RPL5: variants seen among roughly 807,000 people sequenced by gnomAD.
The protein encoded by RPL5 is ribosomal protein L5, also known as large ribosomal subunit protein uL18.
Under a neutral mutation model 38.4 loss-of-function variants are expected in RPL5, and 1 was observed. The ratio of observed to expected loss-of-function variants is 0.03; its 90% CI spans 0.01 to 0.12. The LOEUF (loss-of-function observed/expected upper bound fraction) is 0.12. RPL5 is among the 10% of genes least tolerant of loss of function. RPL5 has a pLI of 1.00. For missense variants in RPL5, 243 were observed against 374.1 expected, an observed-to-expected ratio of 0.65 and a Z score of 2.89; for synonymous variants, 109 against 121.2, an observed-to-expected ratio of 0.90 and a Z score of 0.66.
rs1477777637 is a variant in RPL5 at position 92,837,563 on chromosome 1, T to C, written c.635T>C (p.Met212Thr). Residue 212 changes from methionine to threonine, a missense_variant, in exon 6 of 8, where the codon ATG becomes ACG. Physicochemically the swap from Met to Thr is moderately conservative, Grantham distance 81. Coordinates refer to ENST00000370321, the MANE Select transcript of RPL5 (RefSeq NM_000969.5). ...GTTGCAGATTACATGCGCTACTTAA[T>C]GGAAGAAGATGAAGATGCTTACAAG... ...QNVADYMRYLMEEDEDAYKKQ... is the reference protein window; with the variant it reads ...QNVADYMRYLTEEDEDAYKKQ... 6.2e-7 allele frequency: 1 copy of C among 1,612,028 alleles called. No individual in the cohort carries two copies. Among genetic ancestry groups the C allele is most frequent in the East Asian group, 2.2e-5 (1 of 44,874 alleles).
In RPL5 at chr1:92,833,446, A is replaced by C; in HGVS notation, c.61A>C (p.Arg21=). Residue 21 remains arginine, a synonymous_variant, in exon 2 of 8, where the codon AGA becomes CGA. Transcript: ENST00000370321. ...AYFKRYQVKF[R]RRREGKTDYY... Reference sequence around the variant, plus strand: ...CTTTAAGAGATACCAAGTGAAATTTAGAAGACGACGAGGTACTGTCACCTT... The same window carrying C: ...CTTTAAGAGATACCAAGTGAAATTTCGAAGACGACGAGGTACTGTCACCTT... The C allele has an allele frequency of 6.2e-7, 1 of 1,614,096 alleles. No homozygotes were observed. The highest frequency in any genetic ancestry group is 8.5e-7 in the Non-Finnish European group (1 of 1,179,968).
upstream of RPL5, chr1:92,832,018 G>C: frequency 6.3e-7 from 1 of 1,577,290 alleles, no homozygotes; most frequent in South Asian, 1.1e-5. Flanking sequence ...GCTACATACT[G>C]CGCCTGCGCA....
At position 92,841,922 on chromosome 1, in the gene RPL5, C is replaced by G; in HGVS notation, c.*57C>G. 7.5e-7 allele frequency: 1 copy of G among 1,331,908 alleles called. No individual in the cohort carries two copies. Among genetic ancestry groups the G allele is most frequent in the South Asian group, 1.2e-5 (1 of 81,714 alleles). 82.5% of individuals were successfully genotyped at this position (1,331,908 alleles called of 1,614,324 possible). ...TAGATAATAAACTTATGAACAGCAA[C>G]TATTTCTGTGTTAAGCTCTTATTCT... On this transcript the variant is annotated 3_prime_UTR_variant, in exon 8 of 8. Coordinates refer to ENST00000370321, the MANE Select transcript of RPL5 (RefSeq NM_000969.5).
intron 1 of RPL5, chr1:92,832,350 T>C: frequency 1.5e-6 from 1 of 671,362 alleles, no homozygotes; most frequent in Middle Eastern, 2.5e-4. Flanking sequence ...GACGGCGGAT[T>C]GGGGAGAAGG....
Position 92,836,388 on chromosome 1 carries a change from C to G in RPL5, c.523C>G (p.His175Asp), listed in dbSNP as rs1251989135. The G allele has an allele frequency of 6.2e-7, 1 of 1,613,702 alleles. No individual in the cohort carries two copies. Among genetic ancestry groups the G allele is most frequent in the African/African-American group, 1.3e-5 (1 of 74,922 alleles). The change falls in exon 5 of 8, where the codon CAC (histidine) becomes GAC (aspartate). Residue 175 changes from histidine to aspartate, a missense_variant. Physicochemically the swap from His to Asp is moderately conservative, Grantham distance 81 (BLOSUM62 -1). Coordinates refer to ENST00000370321, the MANE Select transcript of RPL5 (RefSeq NM_000969.5). ...GAVDGGLSIPHSTKRFPGYDS... is the reference protein window; with the variant it reads ...GAVDGGLSIPDSTKRFPGYDS... The stretch of plus-strand genomic sequence containing the variant: ...TGTGGATGGAGGCTTGTCTATCCCT[C>G]ACAGGTAAGAATACTATTTAAGACC...
rs1687381970 is a variant in RPL5, at chr1:92,841,909, T to C, written c.*44T>C. On this transcript the variant is annotated 3_prime_UTR_variant, in exon 8 of 8. Coordinates refer to ENST00000370321, the MANE Select transcript of RPL5 (RefSeq NM_000969.5). ...ATTTTTTCAGATATAGATAATAAAC[T>C]TATGAACAGCAACTATTTCTGTGTT... 7.2e-7 allele frequency: 1 copy of C among 1,393,394 alleles called. No homozygotes were observed. The allele number at this position is 1,393,394 out of a possible 1,614,324, so 86.3% of individuals were successfully genotyped here.
Position 92,836,258 on chromosome 1 carries a change from T to C in RPL5, c.393T>C (p.Asn131=), listed in dbSNP as rs755442410. 4.3e-6 allele frequency: 7 copies of C among 1,613,804 alleles called. No individual in the cohort carries two copies. The highest frequency in any genetic ancestry group is 2.2e-5 in the East Asian group (1 of 44,904). The change falls in exon 5 of 8, where the codon AAT becomes AAC. Residue 131 remains asparagine (N), a synonymous_variant. Transcript: ENST00000370321. ...GQVEVTGDEY[N]VESIDGQPGA... Reference sequence around the variant, plus strand: ...TGGAGGTGACTGGTGATGAATACAATGTGGAAAGCATTGATGGTCAGCCAG... The same window carrying C: ...TGGAGGTGACTGGTGATGAATACAACGTGGAAAGCATTGATGGTCAGCCAG...
rs200315052 is a variant in RPL5 at position 92,841,848 on chromosome 1, C to T, written c.877C>T (p.Arg293Trp). The T allele has an allele frequency of 6.2e-6, 10 of 1,611,512 alleles. No homozygotes were observed. The highest frequency in any genetic ancestry group is 2.2e-5 in the East Asian group (1 of 44,844). The part of the protein sequence containing the change: ...KKASFLRAQE[R>W]AAES The stretch of plus-strand genomic sequence containing the variant: ...GGCAAGCTTCCTCAGAGCTCAGGAG[C>T]GGGCTGCTGAGAGCTAAACCCAGCA... Residue 293 changes from arginine to tryptophan, a missense_variant, in exon 8 of 8, where the codon CGG (arginine) becomes TGG (tryptophan). Transcript: ENST00000370321.
chr1:92,832,265 C>T lies in RPL5; in HGVS notation c.3+148C>T, dbSNP rs902798926. 12 of 1,334,144 alleles carry T rather than the reference C, an allele frequency of 9.0e-6. No individual in the cohort carries two copies. In the African/African-American group the frequency reaches 1.5e-4, roughly 16 times the overall value. 82.6% of individuals were successfully genotyped at this position (1,334,144 alleles called of 1,614,324 possible). On this transcript the variant is annotated intron_variant, in intron 1 of 7. Transcript: ENST00000370321. ...GACTTGGTCGAGGTGCAGTTCCCAGCGTGGCCTTAAATGGCTGCCGCCCGG... is the reference window on the plus strand; with the variant it reads ...GACTTGGTCGAGGTGCAGTTCCCAGTGTGGCCTTAAATGGCTGCCGCCCGG...
At chr1:92,833,321 GTTAA>G (rs1329158058) in intron 1 of RPL5, 64 bp from the exon 2 acceptor site, 1 of 1,271,626 alleles carries the variant, frequency 7.9e-7, no homozygotes, top group Non-Finnish European at 1.1e-6. Flanking sequence ...TTGTTACATG[GTTAA>G]TTTATGTCAA....
chr1:92,840,691 C>G, intron 7 of RPL5, 52 bp downstream of exon 7: 10 of 1,286,536 alleles, frequency 7.8e-6, no homozygotes, highest in Non-Finnish European at 1.1e-5. Flanking sequence ...GGAATGGTTC[C>G]CACGTGGGGC....
chr1:92,839,346 G>A (rs1260452882), intron 6 of RPL5, among the ~76,000 whole-genome samples: 11 of 152,092 alleles, frequency 7.2e-5, no homozygotes, highest in African/African-American at 1.2e-4. Flanking sequence ...GCAACAGAGC[G>A]AGACTTCATG....
At chr1:92,833,130 C>T (rs886156263) in intron 1 of RPL5, 4 of 674,252 alleles carry the variant, frequency 5.9e-6, no homozygotes, top group East Asian at 2.7e-5. Context: ...AAATTGGGGC[C>T]TGCATTTTGT....
intron 3 of RPL5, 53 bp downstream of exon 3, chr1:92,833,713 TGGGA>T: frequency 4.2e-6 from 6 of 1,438,120 alleles, no homozygotes; most frequent in Non-Finnish European, 5.9e-6. Context: ...AAATTGTGCT[TGGGA>T]AGCAAAGCAC....
chr1:92,835,530 T>A (rs2100682554), intron 4 of RPL5, among the ~76,000 whole-genome samples: 1 of 150,928 alleles, frequency 6.6e-6, no homozygotes, highest in East Asian at 1.9e-4. Flanking sequence ...CATGATGGTG[T>A]GTGTCTGTAG....
chr1:92,833,282 C>T, intron 1 of RPL5, 107 bp from the exon 2 acceptor site: 1 of 902,480 alleles, frequency 1.1e-6, no homozygotes, highest in South Asian at 1.4e-5. Flanking sequence ...TGACAGTTGT[C>T]TGTTTACTCT....
intron 6 of RPL5, among the ~76,000 whole-genome samples, chr1:92,839,438 G>A (rs1166771864): frequency 6.6e-6 from 1 of 152,146 alleles, no homozygotes; most frequent in Admixed American, 6.5e-5. Context: ...TGGTCTAGAG[G>A]CCTTATATTA....
Position 92,836,393 on chromosome 1 carries a change from GTAAGAATACTATT to G in RPL5, c.527+7_527+19del, listed in dbSNP as rs2100685123. ...ATGGAGGCTTGTCTATCCCTCACAG[GTAAGAATACTATT>G]TAAGACCTTGGTGCCTGGACCGTGG... On this transcript the variant is annotated splice_donor_variant and splice_donor_5th_base_variant and intron_variant, in intron 5 of 7. Transcript: ENST00000370321. LOFTEE classifies it high-confidence loss of function. 6.2e-7 allele frequency: 1 copy of G among 1,613,824 alleles called. No homozygotes were observed.
At chr1:92,832,595 C>G (rs1437405816) in intron 1 of RPL5, 1 of 310,404 alleles carries the variant, frequency 3.2e-6, no homozygotes, top group African/African-American at 2.1e-5. Flanking sequence ...AGCTTGTGCC[C>G]GTGGGCTGAG....
Sources: gnomAD v4.1 joint callset for allele counts (sites outside exome capture counted in the v4.1 genomes callset) on GRCh38, gnomAD v4.1.1 for gene constraint, MANE v1.5 for transcripts, NCBI Gene and HGNC (gene_info 2026-07-23, HGNC 2026-07-21) for gene names.